The following C17orf50 variants were observed in gnomAD, a reference collection of about 807,000 sequenced individuals.
C17orf50 encodes the protein uncharacterized protein C17orf50.
A neutral mutation model predicts 17.7 loss-of-function variants in C17orf50; 16 were observed. The ratio of observed to expected loss-of-function variants is 0.90; its 90% CI spans 0.61 to 1.37. The LOEUF (loss-of-function observed/expected upper bound fraction) is 1.37. C17orf50 is among the 40% of genes most tolerant of loss of function. C17orf50 has a pLI of 0.00. For synonymous variants in C17orf50, 125 were observed against 111.0 expected, an observed-to-expected ratio of 1.13 and a Z score of -0.80; for missense variants, 271 against 240.7, an observed-to-expected ratio of 1.13 and a Z score of -0.83.
chr17:35,764,734 C>A lies in C17orf50; in HGVS notation c.*116C>A. Reference sequence around the variant, plus strand: ...GACGCATTCCGCAGGACCGCCCCTTCTCAGCTGCTGCCCAGAGCGCCCCCA... The same window carrying A: ...GACGCATTCCGCAGGACCGCCCCTTATCAGCTGCTGCCCAGAGCGCCCCCA... On this transcript the variant is annotated 3_prime_UTR_variant, in exon 3 of 3. Transcript: ENST00000605587. 8.3e-7 allele frequency: 1 copy of A among 1,199,812 alleles called. No homozygotes were observed. Among genetic ancestry groups the A allele is most frequent in the Non-Finnish European group, 1.1e-6 (1 of 891,358 alleles). The allele number at this position is 1,199,812 out of a possible 1,614,324, so 74.3% of individuals were successfully genotyped here.
chr17:35,764,190 G>A lies in C17orf50; in HGVS notation c.197G>A (p.Arg66His). The change falls in exon 2 of 3, where the codon CGC becomes CAC. Residue 66 changes from arginine (R) to histidine (H), a missense_variant. Arg to His is a conservative substitution (Grantham distance 29). Transcript: ENST00000605587. ...VAEEGEGRER[R>H]SVSYCPLRQE... is the part of the protein sequence containing the mutation. Reference sequence around the variant, plus strand: ...GAGGAGGGCGAAGGCCGCGAGCGGCGCTCAGTGTCCTACTGCCCGCTGCGC... The same window carrying A: ...GAGGAGGGCGAAGGCCGCGAGCGGCACTCAGTGTCCTACTGCCCGCTGCGC... 6.5e-7 allele frequency: 1 copy of A among 1,548,024 alleles called. No individual in the cohort carries two copies. Among genetic ancestry groups the A allele is most frequent in the Non-Finnish European group, 8.7e-7 (1 of 1,146,624 alleles).
chr17:35,762,201 G>A (rs1341436115), intron 1 of C17orf50, among the ~76,000 whole-genome samples: 1 of 151,962 alleles, frequency 6.6e-6, no homozygotes, highest in African/African-American at 2.4e-5. Flanking sequence ...TGTTGGTCAG[G>A]CTGGTCTCGA....
At chr17:35,761,286 T>G (rs1287997710) in intron 1 of C17orf50, among the ~76,000 whole-genome samples, 3 of 151,882 alleles carry the variant, frequency 2.0e-5, no homozygotes, top group African/African-American at 4.8e-5. Flanking sequence ...GTATTTTGTA[T>G]TTTTAGTAGA....
chr17:35,764,380 G>T, intron 2 of C17orf50, 46 bp from the exon 3 acceptor site: 2 of 1,466,102 alleles, frequency 1.4e-6, no homozygotes, highest in Middle Eastern at 2.4e-4. Context: ...GGGCCCCAGG[G>T]AGGAGGGGCT....
intron 1 of C17orf50, among the ~76,000 whole-genome samples, chr17:35,762,000 C>A (rs2085829956): frequency 6.6e-6 from 1 of 151,528 alleles, no homozygotes; most frequent in East Asian, 1.9e-4. Flanking sequence ...TTCTTTTTTT[C>A]TTTTTTTGAG....
intron 1 of C17orf50, 145 bp downstream of exon 1, chr17:35,761,099 ATTT>A (rs10533957): frequency 9.3e-3 from 4,667 of 501,392 alleles, no homozygotes; most frequent in South Asian, 0.014. Flanking sequence ...GCCTTCCTGA[ATTT>A]TTTTTTTTTT....
rs2085907950 is a variant in C17orf50 at position 35,765,062 on chromosome 17, C to T, written c.*444C>T. 1 of 152,694 alleles carries T rather than the reference C, an allele frequency of 6.5e-6. No homozygotes were observed. Among genetic ancestry groups the T allele is most frequent in the African/African-American group, 2.4e-5 (1 of 41,492 alleles). 9.5% of individuals were successfully genotyped at this position (152,694 alleles called of 1,614,324 possible). A position where few individuals can be genotyped will look rare whatever the true frequency, so the allele number is the denominator to read the frequency against. On this transcript the variant is annotated 3_prime_UTR_variant, in exon 3 of 3. Transcript: ENST00000605587. ...CTTTCCCTGAAACCATTCAATAAAA[C>T]CTCTGATCAAAGTGTCAGTGCTTTG...
At chr17:35,761,247 G>A (rs1202546458) in intron 1 of C17orf50, among the ~76,000 whole-genome samples, 1 of 151,474 alleles carries the variant, frequency 6.6e-6, no homozygotes, top group Admixed American at 6.6e-5. Context: ...GGGACCACAG[G>A]AGCATGCCAC....
At chr17:35,763,888 C>T (rs887837246) in intron 1 of C17orf50, 119 bp from the exon 2 acceptor site, 2 of 711,608 alleles carry the variant, frequency 2.8e-6, no homozygotes, top group Non-Finnish European at 3.6e-6. Flanking sequence ...CAGAGAGAGA[C>T]CCTGTCTCAA....
rs201905010 is a variant in C17orf50, at chr17:35,764,617, G to C, written c.524G>C (p.Ter175SerextTer72). Reference protein sequence around the residue: ...LGKAGAAGNS* With the variant: ...LGKAGAAGNSS ...AAGGCGGGGGCCGCTGGGAACTCCT[G>C]AGCGCCCCCGCTCCCAGCCTTTGTG... Residue 175 changes from the stop codon to serine (S), a stop_lost, in exon 3 of 3, where the codon TGA becomes TCA. Transcript: ENST00000605587. The C allele has an allele frequency of 1.7e-4, 267 of 1,577,904 alleles. No individual in the cohort carries two copies. In the African/African-American group the frequency reaches 3.4e-3, roughly 20 times the overall value.
At chr17:35,764,399 C>A (rs1555602283) in intron 2 of C17orf50, 27 bp from the exon 3 acceptor site, 3 of 1,507,500 alleles carry the variant, frequency 2.0e-6, no homozygotes, top group East Asian at 2.6e-5. Context: ...CTGCCCCAGG[C>A]ACTGAGCGCC....
chr17:35,764,223 C>T lies in C17orf50; in HGVS notation c.230C>T (p.Ser77Phe), dbSNP rs1441186818. The T allele has an allele frequency of 1.9e-6, 3 of 1,544,984 alleles. No individual in the cohort carries two copies. Among genetic ancestry groups the T allele is most frequent in the African/African-American group, 2.8e-5 (2 of 72,676 alleles). The change falls in exon 2 of 3, where the codon TCC (serine) becomes TTC (phenylalanine). Residue 77 changes from serine to phenylalanine, a missense_variant. Physicochemically the swap from Ser to Phe is radical, Grantham distance 155. Transcript: ENST00000605587. ...SVSYCPLRQE[S>F]STQQVALLRR... is the part of the protein sequence containing the mutation. ...TCCTACTGCCCGCTGCGCCAGGAGTCCAGCACCCAGCAGGTGGCGCTGCTG... is the reference window on the plus strand; with the variant it reads ...TCCTACTGCCCGCTGCGCCAGGAGTTCAGCACCCAGCAGGTGGCGCTGCTG...
In C17orf50 at chr17:35,764,231, C is replaced by T. The variant is rs1555602190; in HGVS notation, c.238C>T (p.Gln80Ter). The T allele has an allele frequency of 6.5e-7, 1 of 1,543,826 alleles. No homozygotes were observed. Among genetic ancestry groups the T allele is most frequent in the South Asian group, 1.2e-5 (1 of 83,168 alleles). The change falls in exon 2 of 3, where the codon CAG (glutamine) becomes TAG (stop). Residue 80 changes from glutamine (Q) to a stop codon, truncating the protein, a stop_gained. Transcript: ENST00000605587. LOFTEE classifies it high-confidence loss of function. ...CCCGCTGCGCCAGGAGTCCAGCACC[C>T]AGCAGGTGGCGCTGCTGCGGCGCGC... ...YCPLRQESST[Q>*]QVALLRRADS... is the part of the protein sequence containing the mutation.
intron 1 of C17orf50, among the ~76,000 whole-genome samples, chr17:35,763,617 C>T (rs1555601949): frequency 6.6e-6 from 1 of 151,400 alleles, no homozygotes; most frequent in Non-Finnish European, 1.5e-5. Context: ...GTATCCAGGG[C>T]CGGGTGCAGT....
Position 35,764,294 on chromosome 17 carries a change from C to T in C17orf50, c.301C>T (p.Leu101=). The T allele has an allele frequency of 1.3e-6, 2 of 1,514,572 alleles. No individual in the cohort carries two copies. Among genetic ancestry groups the T allele is most frequent in the Non-Finnish European group, 1.8e-6 (2 of 1,134,080 alleles). The allele number at this position is 1,514,572 out of a possible 1,614,324, so 93.8% of individuals were successfully genotyped here. A position where few individuals can be genotyped will look rare whatever the true frequency, so the allele number is the denominator to read the frequency against. The stretch of plus-strand genomic sequence containing the variant: ...CTGGGGCTGGCTCGGCCCCTTAGCG[C>T]TGCTGGGCGGCCTAACAGCTCCCAC... ...GFWGWLGPLA[L]LGGLTAPTDR... Residue 101 remains leucine (L), a synonymous_variant, in exon 2 of 3, where the codon CTG becomes TTG. Coordinates refer to ENST00000605587, the MANE Select transcript of C17orf50 (RefSeq NM_145272.4).
At chr17:35,762,122 C>T (rs1297902796) in intron 1 of C17orf50, among the ~76,000 whole-genome samples, 1 of 152,122 alleles carries the variant, frequency 6.6e-6, no homozygotes, top group Non-Finnish European at 1.5e-5. Context: ...TCCTGAATAG[C>T]TGGGATTACA....
Position 35,764,820 on chromosome 17 carries a change from C to A in C17orf50, c.*202C>A. The A allele has an allele frequency of 1.8e-6, 1 of 549,178 alleles. No individual in the cohort carries two copies. The highest frequency in any genetic ancestry group is 3.0e-6 in the Non-Finnish European group (1 of 328,224). The allele number at this position is 549,178 out of a possible 1,614,324, so 34.0% of individuals were successfully genotyped here. On this transcript the variant is annotated 3_prime_UTR_variant, in exon 3 of 3. Coordinates refer to ENST00000605587, the MANE Select transcript of C17orf50 (RefSeq NM_145272.4). The stretch of plus-strand genomic sequence containing the variant: ...CATCTGTCACCTAGCGCCCCCAGTG[C>A]AGAGCCCAGCATAACCTAGAGCCCG...
Position 35,764,043 on chromosome 17 carries a change from A to G in C17orf50, c.50A>G (p.Glu17Gly). Reference sequence around the variant, plus strand: ...CCCTTGTGGAAGAAGGAAACGGAAGAGCTCCGGGCCGAGGACGCGGAGCAA... The same window carrying G: ...CCCTTGTGGAAGAAGGAAACGGAAGGGCTCCGGGCCGAGGACGCGGAGCAA... ...KTPLWKKETE[E>G]LRAEDAEQEE... is the part of the protein sequence containing the mutation. Residue 17 changes from glutamate to glycine, a missense_variant, in exon 2 of 3, where the codon GAG (glutamate) becomes GGG (glycine). By Grantham distance (98) the Glu-to-Gly change is moderately conservative. Transcript: ENST00000605587. The G allele has an allele frequency of 4.5e-6, 7 of 1,548,244 alleles. No homozygotes were observed. Among genetic ancestry groups the G allele is most frequent in the Non-Finnish European group, 5.2e-6 (6 of 1,145,654 alleles).
intron 1 of C17orf50, among the ~76,000 whole-genome samples, chr17:35,761,512 C>T (rs2085820581): frequency 6.6e-6 from 1 of 152,060 alleles, no homozygotes; most frequent in South Asian, 2.1e-4. Flanking sequence ...CTCCCAGGCA[C>T]AAGTGATTCT....
Sources: allele counts gnomAD v4.1 joint callset (sites outside exome capture counted in the v4.1 genomes callset), GRCh38; gene constraint gnomAD v4.1.1; transcripts MANE v1.5; gene names NCBI Gene and HGNC (gene_info 2026-07-23, HGNC 2026-07-21).